The following ANKRD29 variants were observed in gnomAD, a reference collection of about 807,000 sequenced individuals.
ANKRD29 encodes the protein ankyrin repeat domain-containing protein 29.
In ANKRD29, 32 loss-of-function variants were observed where a neutral mutation model predicts 38.0. The ratio of observed to expected loss-of-function variants is 0.84; its 90% confidence interval spans 0.64 to 1.13. ANKRD29 has a LOEUF of 1.13. Among genes scored for constraint, ANKRD29 ranks in the 50% most tolerant of loss-of-function variants. The pLI is 0.00. For synonymous variants in ANKRD29, 135 were observed against 152.4 expected (o/e 0.89, Z 0.84); for missense variants, 357 against 377.9 (o/e 0.94, Z 0.46).
rs755410545 is a variant in ANKRD29 at position 23,646,280 on chromosome 18, G to A, written c.140C>T (p.Thr47Ile). Reference protein sequence around the residue: ...VDVDCRDSHGTTLLMVAAYAG... With the variant: ...VDVDCRDSHGITLLMVAAYAG... Reference sequence around the variant, plus strand: ...GTAGGCAGCAACCATCAGGAGTGTGGTGCCATGCTGGATGGAGGAGAGACA... The same window carrying A: ...GTAGGCAGCAACCATCAGGAGTGTGATGCCATGCTGGATGGAGGAGAGACA... The change falls in exon 3 of 10, where the codon ACC becomes ATC. Residue 47 changes from threonine (T) to isoleucine (I), a missense_variant. Thr to Ile is a moderately conservative substitution (Grantham distance 89, BLOSUM62 -1). Transcript: ENST00000592179. 6.2e-7 allele frequency: 1 copy of A among 1,613,762 alleles called. No individual in the cohort carries two copies. Among genetic ancestry groups the A allele is most frequent in the Non-Finnish European group, 8.5e-7 (1 of 1,179,956 alleles).
chr18:23,603,837 T>C (rs1429628330), intron 9 of ANKRD29, among the ~76,000 whole-genome samples: 13 of 151,844 alleles, frequency 8.6e-5, no homozygotes, highest in Admixed American at 8.5e-4. Context: ...TAATCTGCCA[T>C]GTTTACTTCT....
intron 9 of ANKRD29, among the ~76,000 whole-genome samples, chr18:23,605,414 C>T (rs940457325): frequency 1.3e-5 from 2 of 152,030 alleles, no homozygotes; most frequent in East Asian, 3.9e-4. Context: ...GTTGCCCAGG[C>T]TGGTCTTAAA....
intron 2 of ANKRD29, chr18:23,647,059 TGAGA>T (rs2060149122): frequency 2.0e-5 from 3 of 152,332 alleles, no homozygotes; most frequent in African/African-American, 7.2e-5. Flanking sequence ...AAGTGGATGA[TGAGA>T]GAGACAGGTG....
Position 23,600,979 on chromosome 18 carries a change from A to G in ANKRD29, c.*247T>C, listed in dbSNP as rs1018562634. ...TTTCTGTGGAATCTGTGAACATGCC[A>G]GGCCCCCCGGGAGATGAGTTACAGG... On this transcript the variant is annotated 3_prime_UTR_variant, in exon 10 of 10. Transcript: ENST00000592179. 8.5e-6 allele frequency: 3 copies of G among 351,928 alleles called. No individual in the cohort carries two copies. Among genetic ancestry groups the G allele is most frequent in the Non-Finnish European group, 1.6e-5 (3 of 192,726 alleles). 21.8% of individuals were successfully genotyped at this position (351,928 alleles called of 1,614,324 possible).
intron 4 of ANKRD29, among the ~76,000 whole-genome samples, chr18:23,637,510 G>A (rs1349573498): frequency 3.3e-5 from 5 of 151,980 alleles, no homozygotes; most frequent in South Asian, 4.2e-4. Flanking sequence ...TGATCTGCCC[G>A]CCTCAGCCTC....
intron 3 of ANKRD29, among the ~76,000 whole-genome samples, chr18:23,639,617 C>A (rs1229857437): frequency 2.6e-5 from 4 of 150,998 alleles, no homozygotes; most frequent in Non-Finnish European, 4.4e-5. Context: ...CTCACTGCAA[C>A]CTCTGCCTCC....
At chr18:23,605,834 C>T (rs906686737) in intron 9 of ANKRD29, among the ~76,000 whole-genome samples, 6 of 151,858 alleles carry the variant, frequency 4.0e-5, no homozygotes, top group African/African-American at 1.5e-4. Flanking sequence ...GCCAATTACA[C>T]AAAATTTTAA....
At chr18:23,629,822 T>G in intron 6 of ANKRD29, 31 bp downstream of exon 6, 1 of 1,597,868 alleles carries the variant, frequency 6.3e-7, no homozygotes, top group Non-Finnish European at 8.6e-7. Flanking sequence ...ATGCGCCATG[T>G]GCTCGGGCAA....
At chr18:23,627,953 C>T (rs963536237) in intron 6 of ANKRD29, among the ~76,000 whole-genome samples, 1 of 152,082 alleles carries the variant, frequency 6.6e-6, no homozygotes, top group Non-Finnish European at 1.5e-5. Flanking sequence ...GCTTCCTTTC[C>T]CAGGAGTATT....
chr18:23,614,210 C>T lies in ANKRD29; in HGVS notation c.724-2020G>A, dbSNP rs577944163. ...CTGAGTAGCTGGGATTACAGGTGTA[C>T]ACCACCACTCTTGGCTTATTTTTGT... On this transcript the variant is annotated intron_variant, in intron 8 of 9. Transcript: ENST00000592179. Among the ~76,000 whole-genome samples the T allele has an allele frequency of 5.9e-5, 9 of 152,004 alleles. No individual in the cohort carries two copies. In the South Asian group the frequency reaches 1.5e-3, roughly 25 times the overall value.
In ANKRD29 at chr18:23,662,744, C is replaced by A. The variant is rs1332605347; in HGVS notation, c.-14G>T. ...CATCCTGCACATGTCCGCGGCCGCC[C>A]GAGCGGGAGCCGGCGCGCTTTGGGC... is the stretch of plus-strand genomic sequence containing the variant. On this transcript the variant is annotated 5_prime_UTR_variant, in exon 1 of 10. Coordinates refer to ENST00000592179, the MANE Select transcript of ANKRD29 (RefSeq NM_173505.4). 10 of 1,462,370 alleles carry A rather than the reference C, an allele frequency of 6.8e-6. No individual in the cohort carries two copies. The South Asian group carries it at 1.0e-4, about 15-fold the overall frequency. The allele number at this position is 1,462,370 out of a possible 1,614,324, so 90.6% of individuals were successfully genotyped here.
intron 9 of ANKRD29, among the ~76,000 whole-genome samples, chr18:23,602,550 C>T (rs1368517244): frequency 6.6e-6 from 1 of 152,132 alleles, no homozygotes; most frequent in African/African-American, 2.4e-5. Flanking sequence ...GCTCTCAAAC[C>T]TGTTGGTTTC....
At position 23,645,325 on chromosome 18, in the gene ANKRD29, C is replaced by A. The variant is rs929760406; in HGVS notation, c.231+864G>T. Among the ~76,000 whole-genome samples, 47 of 152,148 alleles carry A rather than the reference C, an allele frequency of 3.1e-4. 1 individual carries two copies. Among genetic ancestry groups the A allele is most frequent in the Non-Finnish European group, 7.3e-5 (5 of 68,036 alleles). ...TAAAATGTCCCAGCCTAGGCAATCCCGGCACTTTGGGAGGCTGATGTGGGC... is the reference window on the plus strand; with the variant it reads ...TAAAATGTCCCAGCCTAGGCAATCCAGGCACTTTGGGAGGCTGATGTGGGC... On this transcript the variant is annotated intron_variant, in intron 3 of 9. Transcript: ENST00000592179.
At chr18:23,616,565 C>CACTATATATACAGTATATATATATATAT (rs2059722075) in intron 8 of ANKRD29, among the ~76,000 whole-genome samples, 25 of 138,332 alleles carry the variant, frequency 1.8e-4, no homozygotes, top group Non-Finnish European at 3.5e-4. Flanking sequence ...TATATATATA[C>CACTATATATACAGTATATATATATATAT]ACTATATATA....
chr18:23,634,290 T>G (rs1395860473), intron 4 of ANKRD29, 141 bp from the exon 5 acceptor site: 20 of 142,328 alleles, frequency 1.4e-4, no homozygotes, highest in South Asian at 7.1e-4. Context: ...TTTTTTTTTT[T>G]TTTTTTTTTT....
In ANKRD29 at chr18:23,630,761, T is replaced by A. The variant is rs1371979191; in HGVS notation, c.430-810A>T. Among the ~76,000 whole-genome samples, 8 of 151,578 alleles carry A rather than the reference T, an allele frequency of 5.3e-5. No homozygotes were observed. The East Asian group carries it at 9.6e-4, about 18-fold the overall frequency. On this transcript the variant is annotated intron_variant, in intron 5 of 9. Transcript: ENST00000592179. ...ATACAAATCCCCCAAACCTCATTTT[T>A]AAAAAATTTATTTTTAATATATTTT...
intron 1 of ANKRD29, among the ~76,000 whole-genome samples, chr18:23,653,096 T>C (rs1192226214): frequency 1.3e-5 from 2 of 152,194 alleles, no homozygotes; most frequent in Admixed American, 6.5e-5. Context: ...AGCAATAGGC[T>C]ACACCATAGA....
At chr18:23,603,599 C>T (rs2145626703) in intron 9 of ANKRD29, among the ~76,000 whole-genome samples, 1 of 152,318 alleles carries the variant, frequency 6.6e-6, no homozygotes, top group African/African-American at 2.4e-5. Context: ...CGCCACTGCA[C>T]TCCAGCCTGA....
At chr18:23,601,787 A>G (rs751001202) in intron 9 of ANKRD29, among the ~76,000 whole-genome samples, 4 of 151,750 alleles carry the variant, frequency 2.6e-5, no homozygotes, top group Non-Finnish European at 5.9e-5. Flanking sequence ...CTCCCACCTC[A>G]GCCTCCCGAG....
Sources: allele counts gnomAD v4.1 joint callset (sites outside exome capture counted in the v4.1 genomes callset), GRCh38; gene constraint gnomAD v4.1.1; transcripts MANE v1.5; gene names NCBI Gene and HGNC (gene_info 2026-07-23, HGNC 2026-07-21).